Variants in NPHS1 observed in about 807,000 individuals in gnomAD.
The protein encoded by NPHS1 is nephrin.
A neutral mutation model predicts 139.7 loss-of-function variants in NPHS1; 107 were observed. That is an observed-to-expected ratio of 0.77 (90% CI 0.66 to 0.90). NPHS1 has a LOEUF of 0.90. Among genes scored for constraint, NPHS1 ranks in the 40% least tolerant of loss-of-function variants. NPHS1 has a pLI of 0.00. For missense variants in NPHS1, 1,580 were observed against 1,654.2 expected, an observed-to-expected ratio of 0.96 and a Z score of 0.78; for synonymous variants, 707 against 706.6, an observed-to-expected ratio of 1.00 and a Z score of -0.01.
rs371646734 is a variant in NPHS1 at position 35,842,416 on chromosome 19, C to T, written c.2469G>A (p.Ala823=). The T allele has an allele frequency of 2.1e-5, 34 of 1,613,952 alleles. No individual in the cohort carries two copies. Among genetic ancestry groups the T allele is most frequent in the African/African-American group, 1.3e-4 (10 of 74,898 alleles). ...GACGGAGCAGCCGTCGTGCTGGAGG[C>T]GCCACCCCATTGTCCACAATGCACT... ...AYQCIVDNGV[A]PPARRLLRLV... is the part of the protein sequence containing the mutation. Residue 823 remains alanine, a synonymous_variant, in exon 18 of 29, where the codon GCG becomes GCA. Transcript: ENST00000378910.
chr19:35,833,804 C>G (rs933645014), intron 23 of NPHS1, among the ~76,000 whole-genome samples: 11 of 152,202 alleles, frequency 7.2e-5, no homozygotes, highest in Non-Finnish European at 1.5e-4. Flanking sequence ...TCAATCAATC[C>G]TCCCGCATCA....
In NPHS1 at chr19:35,845,893, G is replaced by T; in HGVS notation, c.1628-95C>A. ...CACCCCAGGCTCCGCCCAGTCTCGGGTCCCCCACCCCGCCTCCGCCCGCTT... is the reference window on the plus strand; with the variant it reads ...CACCCCAGGCTCCGCCCAGTCTCGGTTCCCCCACCCCGCCTCCGCCCGCTT... On this transcript the variant is annotated intron_variant, in intron 12 of 28. Coordinates refer to ENST00000378910, the MANE Select transcript of NPHS1 (RefSeq NM_004646.4). The surrounding 1 kb of genome is among the most constrained non-coding windows in gnomAD (Gnocchi z 5.5). 1 of 1,539,224 alleles carries T rather than the reference G, an allele frequency of 6.5e-7. No individual in the cohort carries two copies. The highest frequency in any genetic ancestry group is 8.8e-7 in the Non-Finnish European group (1 of 1,140,962).
chr19:35,827,734 G>A (rs1167948753), intron 28 of NPHS1, among the ~76,000 whole-genome samples: 2 of 152,064 alleles, frequency 1.3e-5, no homozygotes, highest in African/African-American at 4.8e-5. Context: ...CCTGGGCAAT[G>A]GGCAAAACCC....
chr19:35,848,849 C>T, intron 8 of NPHS1, 55 bp from the exon 9 acceptor site: 1 of 1,612,628 alleles, frequency 6.2e-7, no homozygotes, highest in Non-Finnish European at 8.5e-7. Flanking sequence ...CACAGACCAG[C>T]CCAGACAGAA....
intron 16 of NPHS1, chr19:35,843,902 T>C (rs758434787): frequency 1.3e-5 from 10 of 772,952 alleles, no homozygotes; most frequent in African/African-American, 1.8e-5. Flanking sequence ...GCACCCTCTC[T>C]GGGCAGAGAT....
chr19:35,843,453 C>A lies in NPHS1; in HGVS notation c.2334+19G>T. The A allele has an allele frequency of 6.2e-7, 1 of 1,613,822 alleles. No individual in the cohort carries two copies. ...AACCCCTTGACCCCACCTCTATTCA[C>A]CAAAGGCTGGATCCTCACCAGTCTC... On this transcript the variant is annotated intron_variant, in intron 17 of 28. Transcript: ENST00000378910.
intron 5 of NPHS1, 108 bp from the exon 6 acceptor site, chr19:35,849,761 C>T: frequency 1.3e-6 from 1 of 791,156 alleles, no homozygotes; most frequent in East Asian, 2.6e-5. Context: ...TGGTCTAAGT[C>T]CCCATGCTGA....
rs386833951 is a variant in NPHS1 at position 35,850,440 on chromosome 19, G to A, written c.532C>T (p.Gln178Ter). 8.7e-6 allele frequency: 14 copies of A among 1,613,974 alleles called. No homozygotes were observed. The highest frequency in any genetic ancestry group is 1.3e-5 in the African/African-American group (1 of 75,014). The change falls in exon 5 of 29, where the codon CAG becomes TAG. Residue 178 changes from glutamine (Q) to a stop codon, truncating the protein, a stop_gained. Coordinates refer to ENST00000378910, the MANE Select transcript of NPHS1 (RefSeq NM_004646.4). LOFTEE classifies it high-confidence loss of function. The stretch of plus-strand genomic sequence containing the variant: ...TTTGCAGAGATGTCAGATATTGTCT[G>A]TCCACCTTGGGGCAGCAAGAGGGCT... The part of the protein sequence containing the change: ...APDITILLSG[Q>*]TISDISANVN...
Position 35,831,067 on chromosome 19 carries a change from ACCT to A in NPHS1, c.3464_3466del (p.Glu1155del). The A allele has an allele frequency of 6.2e-7, 1 of 1,613,922 alleles. No homozygotes were observed. Among genetic ancestry groups the A allele is most frequent in the Non-Finnish European group, 8.5e-7 (1 of 1,179,960 alleles). On this transcript the variant is annotated inframe_deletion, in exon 27 of 29. Coordinates refer to ENST00000378910, the MANE Select transcript of NPHS1 (RefSeq NM_004646.4). ...TCCTAACTCACCTCGGGAATAAGAC[ACCT>A]CCTCCTGCGTCGGGGGCAGCTGGGG...
Position 35,842,143 on chromosome 19 carries a change from G to C in NPHS1, c.2644C>G (p.Leu882Val). 1 of 1,606,548 alleles carries C rather than the reference G, an allele frequency of 6.2e-7. No homozygotes were observed. Among genetic ancestry groups the C allele is most frequent in the Non-Finnish European group, 8.5e-7 (1 of 1,177,226 alleles). ...GCTCACCTGGGATCTTGGAGATCCA[G>C]AGGGACCCCGTTTTTTGTCCAAGTG... is the stretch of plus-strand genomic sequence containing the variant. Reference protein sequence around the residue: ...VFTWTKNGVPLDLQDPRYTEH... With the variant: ...VFTWTKNGVPVDLQDPRYTEH... Residue 882 changes from leucine to valine, a missense_variant, in exon 19 of 29, where the codon CTG (leucine) becomes GTG (valine). Leu to Val is a conservative substitution (Grantham distance 32). Coordinates refer to ENST00000378910, the MANE Select transcript of NPHS1 (RefSeq NM_004646.4).
At chr19:35,843,634 G>C (rs766826221) in intron 16 of NPHS1, 41 bp from the exon 17 acceptor site, 7 of 1,611,006 alleles carry the variant, frequency 4.3e-6, no homozygotes, top group Non-Finnish European at 5.9e-6. Flanking sequence ...CTTGGGCCCA[G>C]ACAGGTCTGG....
At position 35,848,154 on chromosome 19, in the gene NPHS1, T is replaced by C; in HGVS notation, c.1327A>G (p.Lys443Glu). 1 of 1,614,052 alleles carries C rather than the reference T, an allele frequency of 6.2e-7. No homozygotes were observed. Among genetic ancestry groups the C allele is most frequent in the South Asian group, 1.1e-5 (1 of 91,080 alleles). ...LILNVKYPAQ[K>E]LWIEGPPEGQ... ...TCTGGGGGACCCTCAATCCACAGTT[T>C]CTGGGCGGGATCTGGCGGGGAGAGG... The change falls in exon 11 of 29, where the codon AAA becomes GAA. Residue 443 changes from lysine to glutamate, a missense_variant. Physicochemically the swap from Lys to Glu is moderately conservative, Grantham distance 56. Coordinates refer to ENST00000378910, the MANE Select transcript of NPHS1 (RefSeq NM_004646.4).
Position 35,829,462 on chromosome 19 carries a change from G to T in NPHS1, c.3594+1382C>A, listed in dbSNP as rs186845038. Among the ~76,000 whole-genome samples the T allele has an allele frequency of 7.3e-4, 111 of 152,176 alleles. 1 individual carries two copies. Among genetic ancestry groups the T allele is most frequent in the Non-Finnish European group, 5.9e-4 (40 of 68,002 alleles). On this transcript the variant is annotated intron_variant, in intron 28 of 28. Transcript: ENST00000378910. ...GCTCATGGCAGCCTCAACTTCCCTG[G>T]CTCAGGCATTCCTCCTACCTCAGCC...
chr19:35,839,699 A>C, intron 20 of NPHS1, 92 bp from the exon 21 acceptor site: 1 of 997,354 alleles, frequency 1.0e-6, no homozygotes, highest in Non-Finnish European at 1.6e-6. Flanking sequence ...TTTTAAATAT[A>C]CAATCGCTTC....
Position 35,851,381 on chromosome 19 carries a change from T to C in NPHS1, c.278A>G (p.Glu93Gly). The C allele has an allele frequency of 3.1e-6, 5 of 1,613,070 alleles. No individual in the cohort carries two copies. The highest frequency in any genetic ancestry group is 4.2e-6 in the Non-Finnish European group (5 of 1,179,694). Residue 93 changes from glutamate to glycine, a missense_variant, in exon 3 of 29, where the codon GAA becomes GGA. Physicochemically the swap from Glu to Gly is moderately conservative, Grantham distance 98. Coordinates refer to ENST00000378910, the MANE Select transcript of NPHS1 (RefSeq NM_004646.4). Reference sequence around the variant, plus strand: ...ACAGGCCTCGATGTGCAGGTGGAATTCACCTGCAGGGGGAGCCGGAAGTCA... The same window carrying C: ...ACAGGCCTCGATGTGCAGGTGGAATCCACCTGCAGGGGGAGCCGGAAGTCA... The part of the protein sequence containing the change: ...YRLEGDPARG[E>G]FHLHIEACDL...
Position 35,845,917 on chromosome 19 carries a change from T to C in NPHS1, c.1627+91A>G. On this transcript the variant is annotated intron_variant, in intron 12 of 28. Coordinates refer to ENST00000378910, the MANE Select transcript of NPHS1 (RefSeq NM_004646.4). This position sits in a 1 kb window ranked among gnomAD's most constrained non-coding sequence, Gnocchi z 5.5. The stretch of plus-strand genomic sequence containing the variant: ...GGTCCCCCACCCCGCCTCCGCCCGC[T>C]TTCCCCGGGTCCAGGGTTCGCTGGG... 6.6e-7 allele frequency: 1 copy of C among 1,524,558 alleles called. No individual in the cohort carries two copies. The allele number at this position is 1,524,558 out of a possible 1,614,324, so 94.4% of individuals were successfully genotyped here.
Position 35,848,112 on chromosome 19 carries a change from C to G in NPHS1, c.1369G>C (p.Ala457Pro), listed in dbSNP as rs1265964280. Residue 457 changes from alanine (A) to proline (P), a missense_variant, in exon 11 of 29, where the codon GCT becomes CCT. Transcript: ENST00000378910. ...EGPPEGQKLR[A>P]GTRVRLVCLA... ...CACACCAGCCTCACCCGGGTCCCAGCCCGGAGCTTCTGGCCCTCTGGGGGA... is the reference window on the plus strand; with the variant it reads ...CACACCAGCCTCACCCGGGTCCCAGGCCGGAGCTTCTGGCCCTCTGGGGGA... 1.2e-6 allele frequency: 2 copies of G among 1,614,054 alleles called. No individual in the cohort carries two copies. Among genetic ancestry groups the G allele is most frequent in the Admixed American group, 3.3e-5 (2 of 60,018 alleles).
rs201307063 is a variant in NPHS1, at chr19:35,850,354, G to C, written c.608+10C>G. The C allele has an allele frequency of 1.7e-5, 28 of 1,612,830 alleles. No individual in the cohort carries two copies. Among genetic ancestry groups the C allele is most frequent in the Middle Eastern group, 3.3e-4 (2 of 6,048 alleles). ...GGGTCAAGGTTGGGGGGTTGTTTCA[G>C]TTTCCACACCTGGCTGTGGCCTCCA... On this transcript the variant is annotated intron_variant, in intron 5 of 28. Transcript: ENST00000378910.
chr19:35,848,770 A>C lies in NPHS1; in HGVS notation c.1037T>G (p.Leu346Trp). ...GTTCTCAGTCTGGGATGCAGATCCC[A>C]AGATAATAATGGCACTAGGGGGAAC... ...VTFPPSAIIILGSASQTENKN... is the reference protein window; with the variant it reads ...VTFPPSAIIIWGSASQTENKN... Residue 346 changes from leucine to tryptophan, a missense_variant, in exon 9 of 29, where the codon TTG (leucine) becomes TGG (tryptophan). Leu to Trp is a moderately conservative substitution (Grantham distance 61). Transcript: ENST00000378910. 1 of 1,614,204 alleles carries C rather than the reference A, an allele frequency of 6.2e-7. No homozygotes were observed. The highest frequency in any genetic ancestry group is 1.7e-5 in the Admixed American group (1 of 60,024).
Sources: allele counts gnomAD v4.1 joint callset (sites outside exome capture counted in the v4.1 genomes callset), GRCh38; gene constraint gnomAD v4.1.1; non-coding constraint Gnocchi (gnomAD v3.1); transcripts MANE v1.5; gene names NCBI Gene and HGNC (gene_info 2026-07-23, HGNC 2026-07-21).